The following VIT variants were observed in gnomAD, a reference collection of about 807,000 sequenced individuals.
VIT encodes vitrin.
A neutral mutation model predicts 78.0 loss-of-function variants in VIT; 99 were observed. That is an observed-to-expected ratio of 1.27 (90% CI 1.08 to 1.50). VIT has a LOEUF of 1.50. VIT is among the 40% of genes most tolerant of loss of function. VIT has a pLI of 0.00. For missense variants in VIT, 1,126 were observed against 875.3 expected, an observed-to-expected ratio of 1.29 and a Z score of -3.61; for synonymous variants, 374 against 334.3, an observed-to-expected ratio of 1.12 and a Z score of -1.29.
chr2:36,792,692 T>G (rs554917436), intron 12 of VIT, among the ~76,000 whole-genome samples: 1 of 152,152 alleles, frequency 6.6e-6, no homozygotes, highest in African/African-American at 2.4e-5. Context: ...GCTGATTCTG[T>G]GGTGCAACCA....
intron 4 of VIT, among the ~76,000 whole-genome samples, chr2:36,743,893 C>A (rs765345512): frequency 1.1e-4 from 17 of 152,050 alleles, no homozygotes; most frequent in Non-Finnish European, 8.8e-5. Flanking sequence ...GTTTGGAGTA[C>A]AAATGAACCC....
At chr2:36,777,044 A>T (rs57551895) in intron 9 of VIT, among the ~76,000 whole-genome samples, 26 of 123,510 alleles carry the variant, frequency 2.1e-4, no homozygotes, top group South Asian at 5.7e-4. Context: ...AGCCGAGATC[A>T]CGCCACTGCA....
At chr2:36,729,082 A>C (rs1051262230) in intron 2 of VIT, among the ~76,000 whole-genome samples, 1 of 152,190 alleles carries the variant, frequency 6.6e-6, no homozygotes, top group African/African-American at 2.4e-5. Context: ...TCGATACATA[A>C]ATATTTATCA....
chr2:36,765,649 G>A (rs185930595), intron 6 of VIT, among the ~76,000 whole-genome samples: 35 of 152,232 alleles, frequency 2.3e-4, no homozygotes, highest in African/African-American at 6.3e-4. Context: ...ATATGACGAC[G>A]GAGCAGAGAA....
At chr2:36,728,892 C>A (rs1038814705) in intron 2 of VIT, among the ~76,000 whole-genome samples, 12 of 147,038 alleles carry the variant, frequency 8.2e-5, no homozygotes, top group Admixed American at 6.7e-5. Flanking sequence ...GTTATAAAAT[C>A]TACGGCTTTG....
Position 36,749,576 on chromosome 2 carries a change from A to G in VIT, c.276-5345A>G, listed in dbSNP as rs570462570. Among the ~76,000 whole-genome samples the G allele has an allele frequency of 4.6e-5, 7 of 152,328 alleles. No homozygotes were observed. The South Asian group carries it at 1.5e-3, about 32-fold the overall frequency. Reference sequence around the variant, plus strand: ...CCTCTGTGCAGTTTCTACTACTCTTATGCACATCTTAAAGGTGAAGGTAGG... The same window carrying G: ...CCTCTGTGCAGTTTCTACTACTCTTGTGCACATCTTAAAGGTGAAGGTAGG... On this transcript the variant is annotated intron_variant, in intron 4 of 15. Coordinates refer to ENST00000379242, the MANE Select transcript of VIT (RefSeq NM_053276.4).
At chr2:36,726,842 AAC>A (rs1392519904) in intron 2 of VIT, among the ~76,000 whole-genome samples, 87 of 144,448 alleles carry the variant, frequency 6.0e-4, no homozygotes, top group Middle Eastern at 6.9e-3. Context: ...AAAAAAAAAA[AAC>A]AAAACCTCAG....
chr2:36,753,620 G>A (rs1459331778), intron 4 of VIT, among the ~76,000 whole-genome samples: 1 of 152,116 alleles, frequency 6.6e-6, no homozygotes, highest in Non-Finnish European at 1.5e-5. Flanking sequence ...GAGAAATTGG[G>A]AACTCACTGC....
intron 9 of VIT, 140 bp downstream of exon 9, chr2:36,775,207 G>C: frequency 1.1e-6 from 1 of 929,654 alleles, no homozygotes; most frequent in East Asian, 2.6e-5. Flanking sequence ...AGCATGCTAA[G>C]ATATTTTAAC....
rs374592580 is a variant in VIT, at chr2:36,799,924, G to A, written c.1059-1377G>A. On this transcript the variant is annotated intron_variant, in intron 12 of 15. Coordinates refer to ENST00000379242, the MANE Select transcript of VIT (RefSeq NM_053276.4). ...TTAGCTGGGTGTGGTGACACGCACC[G>A]GTAGTCCCAGCTACTTGGGAGACTG... Among the ~76,000 whole-genome samples the A allele has an allele frequency of 3.7e-4, 56 of 151,622 alleles. 1 individual carries two copies. In the South Asian group the frequency reaches 5.6e-3, roughly 15 times the overall value.
In VIT at chr2:36,814,265, C is replaced by G; in HGVS notation, c.1986C>G (p.His662Gln). 6.2e-7 allele frequency: 1 copy of G among 1,614,254 alleles called. No individual in the cohort carries two copies. The highest frequency in any genetic ancestry group is 8.5e-7 in the Non-Finnish European group (1 of 1,180,044). ...EVIATHPARD[H>Q]SFFVDEFDNL... ...TTGCCACTCACCCCGCCAGAGACCA[C>G]TCCTTCTTTGTGGACGAGTTTGACA... is the stretch of plus-strand genomic sequence containing the variant. Residue 662 changes from histidine (H) to glutamine (Q), a missense_variant, in exon 16 of 16, where the codon CAC becomes CAG. Transcript: ENST00000379242.
intron 12 of VIT, among the ~76,000 whole-genome samples, chr2:36,792,608 A>G (rs1448324625): frequency 6.6e-6 from 1 of 152,166 alleles, no homozygotes; most frequent in Non-Finnish European, 1.5e-5. Flanking sequence ...AGATGCCCAG[A>G]CCAAACTTCA....
chr2:36,700,065 G>T (rs1341724328), intron 1 of VIT, among the ~76,000 whole-genome samples: 1 of 152,132 alleles, frequency 6.6e-6, no homozygotes, highest in Non-Finnish European at 1.5e-5. Flanking sequence ...CAGATAAGCT[G>T]TGAAACATAC....
intron 7 of VIT, among the ~76,000 whole-genome samples, chr2:36,769,765 C>A (rs1225240035): frequency 2.6e-5 from 4 of 152,194 alleles, no homozygotes. Flanking sequence ...GGTTGTGTGA[C>A]CATCACCACA....
intron 2 of VIT, among the ~76,000 whole-genome samples, chr2:36,717,256 GC>G (rs1666207051): frequency 6.9e-6 from 1 of 145,182 alleles, no homozygotes; most frequent in Non-Finnish European, 1.5e-5. Context: ...TTGGCTCACT[GC>G]AAGCTCTCCC....
chr2:36,768,237 GCC>G (rs1450812656), intron 7 of VIT, among the ~76,000 whole-genome samples: 1 of 152,160 alleles, frequency 6.6e-6, no homozygotes, highest in Non-Finnish European at 1.5e-5. Context: ...TTCAAGACCA[GCC>G]TGGCCAGCAT....
chr2:36,753,636 G>T (rs1668597112), intron 4 of VIT, among the ~76,000 whole-genome samples: 1 of 152,190 alleles, frequency 6.6e-6, no homozygotes, highest in Non-Finnish European at 1.5e-5. Context: ...ACTGCCCTTT[G>T]TCAGCAGCAC....
At position 36,759,098 on chromosome 2, in the gene VIT, G is replaced by A. The variant is rs181008151; in HGVS notation, c.487+52G>A. On this transcript the variant is annotated intron_variant, in intron 6 of 15. Coordinates refer to ENST00000379242, the MANE Select transcript of VIT (RefSeq NM_053276.4). ...AAACCTTCTGAGTCCATGAACACGC[G>A]ACGTGTTTTGGGAGATAGCGGAGAA... is the stretch of plus-strand genomic sequence containing the variant. 739 of 1,614,136 alleles carry A rather than the reference G, an allele frequency of 4.6e-4. 1 individual carries two copies. The highest frequency in any genetic ancestry group is 5.8e-4 in the Non-Finnish European group (688 of 1,180,024).
At chr2:36,777,067 C>G (rs942242664) in intron 9 of VIT, among the ~76,000 whole-genome samples, 1 of 89,670 alleles carries the variant, frequency 1.1e-5, no homozygotes, top group African/African-American at 2.9e-5. Context: ...CCAGCCTGGG[C>G]GACAGAGCGA....
Sources: gnomAD v4.1 joint callset for allele counts (sites outside exome capture counted in the v4.1 genomes callset) on GRCh38, gnomAD v4.1.1 for gene constraint, MANE v1.5 for transcripts, NCBI Gene and HGNC (gene_info 2026-07-23, HGNC 2026-07-21) for gene names.